The following LRRC37A2 variants were observed in gnomAD, a reference collection of about 807,000 sequenced individuals.
LRRC37A2 encodes the protein leucine-rich repeat-containing protein 37A2.
LRRC37A2 carries 9 observed loss-of-function variants against 68.8 expected under a neutral mutation model. The observed-to-expected ratio is 0.13, with a 90% CI of 0.08 to 0.23. The LOEUF is 0.23. LRRC37A2 is among the 10% of genes least tolerant of loss of function. LRRC37A2 has a pLI of 1.00. For missense variants in LRRC37A2, 168 were observed against 950.4 expected (o/e 0.18, Z 10.82); for synonymous variants, 63 against 367.6 (o/e 0.17, Z 9.48).
the LRRC37A2 span, chr17:46,751,689 C>A: frequency 1.2e-6 from 1 of 846,784 alleles, no homozygotes; most frequent in Non-Finnish European, 1.8e-6. Flanking sequence ...TTCAGTATTT[C>A]CTTTGCCAAG....
At chr17:47,026,950 G>T in the LRRC37A2 span, among the ~76,000 whole-genome samples, 1 of 151,942 alleles carries the variant, frequency 6.6e-6, no homozygotes, top group African/African-American at 2.4e-5. Flanking sequence ...TCGCTCTGTC[G>T]CCCAGGCTGG....
At chr17:46,732,301 G>A in the LRRC37A2 span, among the ~76,000 whole-genome samples, 5 of 151,970 alleles carry the variant, frequency 3.3e-5, no homozygotes, top group Non-Finnish European at 7.4e-5. Context: ...ATCCCTTCAG[G>A]GGCACTATGT....
At chr17:46,918,054 T>G in the LRRC37A2 span, among the ~76,000 whole-genome samples, 1 of 152,138 alleles carries the variant, frequency 6.6e-6, no homozygotes, top group Non-Finnish European at 1.5e-5. Context: ...TCTTCACGAG[T>G]CCATGAATTT....
the LRRC37A2 span, among the ~76,000 whole-genome samples, chr17:46,913,728 G>C: frequency 6.6e-6 from 1 of 152,088 alleles, no homozygotes; most frequent in Non-Finnish European, 1.5e-5. Flanking sequence ...GGCTTAGCAT[G>C]GCAAGGCACC....
the LRRC37A2 span, among the ~76,000 whole-genome samples, chr17:46,830,333 C>T: frequency 6.6e-5 from 10 of 152,198 alleles, no homozygotes; most frequent in Non-Finnish European, 1.5e-4. Flanking sequence ...CTTACTGCAG[C>T]CTCGACCTCC....
the LRRC37A2 span, chr17:46,876,946 A>T: frequency 3.1e-6 from 4 of 1,311,238 alleles, no homozygotes; most frequent in African/African-American, 5.9e-5. Flanking sequence ...AGCATCCCCA[A>T]CCTTGTTGAG....
At chr17:46,938,365 C>T in the LRRC37A2 span, among the ~76,000 whole-genome samples, 2 of 152,056 alleles carry the variant, frequency 1.3e-5, no homozygotes, top group African/African-American at 4.8e-5. Flanking sequence ...TCAGTCGTTC[C>T]AGCACCATTT....
At chr17:46,939,529 G>T in the LRRC37A2 span, 2 of 985,654 alleles carry the variant, frequency 2.0e-6, no homozygotes, top group Non-Finnish European at 2.4e-6. Context: ...TGGCACCTGC[G>T]CCCAGGCTTT....
At chr17:46,803,036 T>G in the LRRC37A2 span, among the ~76,000 whole-genome samples, 81 of 152,162 alleles carry the variant, frequency 5.3e-4, no homozygotes, top group Non-Finnish European at 1.0e-3. Context: ...AACTAAGACC[T>G]CAACCTATGG....
the LRRC37A2 span, among the ~76,000 whole-genome samples, chr17:46,826,019 C>T: frequency 6.6e-6 from 1 of 152,332 alleles, no homozygotes; most frequent in South Asian, 2.1e-4. Flanking sequence ...GCTAAACTGT[C>T]TCAAGAAAAC....
chr17:46,597,684 A>T, the LRRC37A2 span, among the ~76,000 whole-genome samples: 1 of 57,138 alleles, frequency 1.8e-5, no homozygotes, highest in Non-Finnish European at 3.3e-5. Flanking sequence ...TATAGACTTT[A>T]TTATTTTGAG....
the LRRC37A2 span, among the ~76,000 whole-genome samples, chr17:46,804,646 T>C: frequency 6.6e-6 from 1 of 152,024 alleles, no homozygotes; most frequent in African/African-American, 2.4e-5. Flanking sequence ...TAAAGGTGAG[T>C]AGAGGATGGG....
chr17:46,773,433 A>C, the LRRC37A2 span, among the ~76,000 whole-genome samples: 1 of 152,064 alleles, frequency 6.6e-6, no homozygotes, highest in African/African-American at 2.4e-5. Context: ...GCCAGGAAGG[A>C]AGTCTGTGGC....
At chr17:47,015,361 A>T in the LRRC37A2 span, among the ~76,000 whole-genome samples, 5 of 152,344 alleles carry the variant, frequency 3.3e-5, no homozygotes. Flanking sequence ...ATGTTTACAT[A>T]CACAAATACC....
the LRRC37A2 span, among the ~76,000 whole-genome samples, chr17:46,983,626 C>T: frequency 2.6e-5 from 4 of 152,134 alleles, no homozygotes; most frequent in African/African-American, 4.8e-5. Context: ...CTGGTCCCAG[C>T]AAGTTTGGTT....
the LRRC37A2 span, among the ~76,000 whole-genome samples, chr17:46,751,219 AC>A: frequency 3.5e-3 from 535 of 152,352 alleles, 5 homozygotes; most frequent in South Asian, 9.1e-3. Context: ...AAAAATTTTA[AC>A]TTATATTTAT....
At chr17:46,816,510 CA>C in the LRRC37A2 span, among the ~76,000 whole-genome samples, 2 of 146,582 alleles carry the variant, frequency 1.4e-5, no homozygotes, top group African/African-American at 2.5e-5. Context: ...CACACACACA[CA>C]CACACCTCTC....
the LRRC37A2 span, among the ~76,000 whole-genome samples, chr17:46,791,725 AAC>A: frequency 6.6e-6 from 1 of 152,242 alleles, no homozygotes; most frequent in East Asian, 1.9e-4. Flanking sequence ...TTCTGGGGGA[AAC>A]ACACGTTGTG....
At chr17:46,809,782 T>C in the LRRC37A2 span, among the ~76,000 whole-genome samples, 3 of 152,164 alleles carry the variant, frequency 2.0e-5, no homozygotes, top group Admixed American at 6.5e-5. Context: ...CCGTGACCAG[T>C]TGGCTTCAGA....
Sources: allele counts gnomAD v4.1 joint callset (sites outside exome capture counted in the v4.1 genomes callset), GRCh38; gene constraint gnomAD v4.1.1; transcripts MANE v1.5; gene names NCBI Gene and HGNC (gene_info 2026-07-23, HGNC 2026-07-21).